Variants in TMCC3 observed in about 807,000 individuals in gnomAD.
TMCC3 encodes the protein transmembrane and coiled-coil domain protein 3.
In TMCC3, 28 loss-of-function variants were observed where a neutral mutation model predicts 40.2. That is an observed-to-expected ratio of 0.70 (90% CI 0.52 to 0.95). The LOEUF (loss-of-function observed/expected upper bound fraction) is 0.95. Ranked by LOEUF, TMCC3 falls within the 40% of genes least tolerant of loss-of-function variation. The pLI is 0.00. For missense variants in TMCC3, 554 were observed against 615.2 expected, an observed-to-expected ratio of 0.90 and a Z score of 1.05; for synonymous variants, 255 against 248.5, an observed-to-expected ratio of 1.03 and a Z score of -0.25.
At chr12:94,571,927 T>C (rs1487914036) in intron 3 of TMCC3, among the ~76,000 whole-genome samples, 190 bp from the exon 4 acceptor site, 2 of 152,210 alleles carry the variant, frequency 1.3e-5, no homozygotes, top group Non-Finnish European at 2.9e-5. Flanking sequence ...TTTTCTCCTG[T>C]TGTTCACGAG....
chr12:94,607,763 C>CAAAA (rs2068792241), intron 1 of TMCC3, among the ~76,000 whole-genome samples: 1 of 152,190 alleles, frequency 6.6e-6, no homozygotes, highest in South Asian at 2.1e-4. Flanking sequence ...ACAGTATTTA[C>CAAAA]AATGTGGTAC....
chr12:94,635,942 T>C (rs2068958711), intron 1 of TMCC3, among the ~76,000 whole-genome samples: 1 of 152,118 alleles, frequency 6.6e-6, no homozygotes, highest in Non-Finnish European at 1.5e-5. Context: ...GTGCTGGGAT[T>C]ACATGCATAA....
chr12:94,626,063 G>A lies in TMCC3; in HGVS notation c.78+24290C>T, dbSNP rs572500466. ...GCCTCAGGAAACTTACAAACATGGC[G>A]GAAGGGGAAGCAGGCACGTCTTACA... On this transcript the variant is annotated intron_variant, in intron 1 of 3. Transcript: ENST00000261226. Among the ~76,000 whole-genome samples, 43 of 152,272 alleles carry A rather than the reference G, an allele frequency of 2.8e-4. 1 individual carries two copies. Among genetic ancestry groups the A allele is most frequent in the Middle Eastern group, 3.4e-3 (1 of 294 alleles).
At chr12:94,577,490 A>G (rs575135404) in intron 3 of TMCC3, among the ~76,000 whole-genome samples, 2 of 152,180 alleles carry the variant, frequency 1.3e-5, no homozygotes, top group African/African-American at 4.8e-5. Flanking sequence ...GAATGCTATT[A>G]TTTTACAGAT....
chr12:94,612,369 G>T (rs2068821551), intron 1 of TMCC3, among the ~76,000 whole-genome samples: 3 of 152,048 alleles, frequency 2.0e-5, no homozygotes, highest in Admixed American at 2.0e-4. Flanking sequence ...GGAGTGCAGT[G>T]GTGCGATCTC....
intron 1 of TMCC3, among the ~76,000 whole-genome samples, chr12:94,617,651 T>C (rs1334333723): frequency 6.6e-6 from 1 of 152,260 alleles, no homozygotes; most frequent in Admixed American, 6.5e-5. Context: ...ACAAGTCATA[T>C]GAAAAACTAA....
chr12:94,631,767 A>G (rs2068934670), intron 1 of TMCC3, among the ~76,000 whole-genome samples: 1 of 152,226 alleles, frequency 6.6e-6, no homozygotes, highest in African/African-American at 2.4e-5. Flanking sequence ...TGAAGTAACA[A>G]AACAACATTT....
intron 3 of TMCC3, among the ~76,000 whole-genome samples, chr12:94,575,008 A>G (rs2068555393): frequency 6.6e-6 from 1 of 152,136 alleles, no homozygotes; most frequent in Admixed American, 6.5e-5. Flanking sequence ...CAGCCCCACA[A>G]TTTTTGGTAC....
At chr12:94,585,731 G>A (rs1305620958) in intron 1 of TMCC3, among the ~76,000 whole-genome samples, 3 of 152,016 alleles carry the variant, frequency 2.0e-5, no homozygotes, top group African/African-American at 7.3e-5. Flanking sequence ...TGCCCCTTCT[G>A]CCATGAAGCT....
intron 1 of TMCC3, among the ~76,000 whole-genome samples, chr12:94,647,701 T>C (rs2069027626): frequency 6.6e-6 from 1 of 152,238 alleles, no homozygotes; most frequent in African/African-American, 2.4e-5. Flanking sequence ...ATCACATACG[T>C]TCTGGGTGTC....
At chr12:94,648,118 A>C (rs1228354816) in intron 1 of TMCC3, among the ~76,000 whole-genome samples, 1 of 152,232 alleles carries the variant, frequency 6.6e-6, no homozygotes, top group African/African-American at 2.4e-5. Flanking sequence ...ATCCGCACAT[A>C]TAATGTCTAA....
chr12:94,631,626 T>C (rs2068933939), intron 1 of TMCC3, among the ~76,000 whole-genome samples: 1 of 152,206 alleles, frequency 6.6e-6, no homozygotes, highest in African/African-American at 2.4e-5. Context: ...ATAAATGTAT[T>C]GTTTAAGCTA....
intron 1 of TMCC3, chr12:94,590,718 G>A: frequency 2.9e-6 from 1 of 340,228 alleles, no homozygotes. Flanking sequence ...AAGAACAGGA[G>A]CTTTTCTATC....
intron 1 of TMCC3, among the ~76,000 whole-genome samples, chr12:94,631,876 A>G (rs2068935630): frequency 6.6e-6 from 1 of 152,244 alleles, no homozygotes; most frequent in African/African-American, 2.4e-5. Context: ...AAAAACAGGT[A>G]AGTTCAGAAA....
intron 1 of TMCC3, among the ~76,000 whole-genome samples, chr12:94,647,165 C>G (rs2069024264): frequency 6.6e-6 from 1 of 152,014 alleles, no homozygotes; most frequent in Admixed American, 6.6e-5. Flanking sequence ...ATATGTGCAT[C>G]AAGTTAACAA....
At position 94,594,232 on chromosome 12, in the gene TMCC3, C is replaced by CAG. The variant is rs1555283006; in HGVS notation, c.79-11696_79-11695dup. ...ATATATATATACACACACACACACA[C>CAG]AGAGTGAGAGAGAGAGAGGTCTCTC... is the stretch of plus-strand genomic sequence containing the variant. On this transcript the variant is annotated intron_variant, in intron 1 of 3. Transcript: ENST00000261226. Among the ~76,000 whole-genome samples, 143 of 147,924 alleles carry CAG rather than the reference C, an allele frequency of 9.7e-4. 4 individuals carry two copies. The highest frequency in any genetic ancestry group is 1.9e-3 in the South Asian group (9 of 4,786).
chr12:94,631,112 T>C (rs2068931331), intron 1 of TMCC3, among the ~76,000 whole-genome samples: 1 of 152,240 alleles, frequency 6.6e-6, no homozygotes, highest in African/African-American at 2.4e-5. Flanking sequence ...ATAACATTGA[T>C]GGTTTTACTT....
chr12:94,576,434 A>G lies in TMCC3; in HGVS notation c.1131+1960T>C, dbSNP rs898423061. Among the ~76,000 whole-genome samples the G allele has an allele frequency of 2.0e-5, 3 of 152,210 alleles. No homozygotes were observed. The East Asian group carries it at 5.8e-4, about 29-fold the overall frequency. On this transcript the variant is annotated intron_variant, in intron 3 of 3. Transcript: ENST00000261226. ...CTTCCTAGAGCTGGAGAAAATGACT[A>G]CTGTCCACAGAGAAAATTCATAAAA...
rs1291273827 is a variant in TMCC3, at chr12:94,641,581, A to G, written c.78+8772T>C. 4.6e-5 allele frequency among the ~76,000 whole-genome samples: 7 copies of G among 152,126 alleles called. No individual in the cohort carries two copies. In the East Asian group the frequency reaches 1.3e-3, roughly 29 times the overall value. ...TGTCTTTCCCCTAGTGTTGGAGCAG[A>G]TAATTGTTTCTTTGGTCAAGGACTA... On this transcript the variant is annotated intron_variant, in intron 1 of 3. Transcript: ENST00000261226.
Sources: gnomAD v4.1 joint callset for allele counts (sites outside exome capture counted in the v4.1 genomes callset) on GRCh38, gnomAD v4.1.1 for gene constraint, MANE v1.5 for transcripts, NCBI Gene and HGNC (gene_info 2026-07-23, HGNC 2026-07-21) for gene names.